Variants in LYPD5 observed in about 807,000 individuals in gnomAD.
The protein encoded by LYPD5 is LY6/PLAUR domain containing 5.
LYPD5 carries 21 observed loss-of-function variants against 19.1 expected under a neutral mutation model. The ratio of observed to expected loss-of-function variants is 1.10; its 90% CI spans 0.78 to 1.58. The LOEUF (loss-of-function observed/expected upper bound fraction) is 1.58, where lower values mean the gene tolerates loss of function less well. Ranked by LOEUF, LYPD5 falls within the 40% of genes most tolerant of loss-of-function variation. The pLI is 0.00. For synonymous variants in LYPD5, 128 were observed against 142.7 expected, an observed-to-expected ratio of 0.90 and a Z score of 0.74; for missense variants, 287 against 329.8, an observed-to-expected ratio of 0.87 and a Z score of 1.00.
chr19:43,798,603 T>A lies in LYPD5; in HGVS notation c.371-2A>T, dbSNP rs777688123. 1 of 1,609,904 alleles carries A rather than the reference T, an allele frequency of 6.2e-7. No individual in the cohort carries two copies. Among genetic ancestry groups the A allele is most frequent in the South Asian group, 1.1e-5 (1 of 91,070 alleles). On this transcript the variant is annotated splice_acceptor_variant, in intron 3 of 4. Transcript: ENST00000377950. LOFTEE classifies it high-confidence loss of function. ...CGCTGAGCGTCGGCGGGTCGGGTGC[T>A]GGCAAGAGAGCGTAGATGCACACTC...
intron 1 of LYPD5, among the ~76,000 whole-genome samples, chr19:43,811,472 G>C (rs1386268774): frequency 6.6e-6 from 1 of 152,178 alleles, no homozygotes; most frequent in Admixed American, 6.5e-5. Context: ...GATCACCTGA[G>C]GTCAGGAGTT....
chr19:43,797,667 G>T lies in LYPD5; in HGVS notation c.680C>A (p.Ala227Asp). The part of the protein sequence containing the change: ...SMTQPFTSAS[A>D]TTPPRALQVL... Reference sequence around the variant, plus strand: ...CTGTAGTGCTCGGGGAGGGGTGGTGGCTGAAGCACTGGTGAAGGGCTGGGT... The same window carrying T: ...CTGTAGTGCTCGGGGAGGGGTGGTGTCTGAAGCACTGGTGAAGGGCTGGGT... The change falls in exon 5 of 5, where the codon GCC (alanine) becomes GAC (aspartate). Residue 227 changes from alanine (A) to aspartate (D), a missense_variant. By Grantham distance (126) the Ala-to-Asp change is moderately radical (BLOSUM62 -2). Coordinates refer to ENST00000377950, the MANE Select transcript of LYPD5 (RefSeq NM_001031749.3). The T allele has an allele frequency of 6.2e-7, 1 of 1,613,788 alleles. No homozygotes were observed. Among genetic ancestry groups the T allele is most frequent in the Non-Finnish European group, 8.5e-7 (1 of 1,179,876 alleles).
intron 2 of LYPD5, among the ~76,000 whole-genome samples, chr19:43,799,306 C>T (rs1296891966): frequency 1.3e-5 from 2 of 152,222 alleles, no homozygotes; most frequent in East Asian, 1.9e-4. Context: ...TGCAGTGACC[C>T]GATTTCGGCT....
intron 1 of LYPD5, among the ~76,000 whole-genome samples, chr19:43,818,824 C>G (rs1970394732): frequency 6.6e-6 from 1 of 152,216 alleles, no homozygotes; most frequent in South Asian, 2.1e-4. Context: ...ATGCAATTAT[C>G]TGAGCCTGGT....
At chr19:43,809,200 C>T (rs1359652635) in intron 1 of LYPD5, among the ~76,000 whole-genome samples, 1 of 151,356 alleles carries the variant, frequency 6.6e-6, no homozygotes, top group Non-Finnish European at 1.5e-5. Context: ...CCACTACACC[C>T]GGCTAATTTT....
Position 43,797,330 on chromosome 19 carries a change from G to A in LYPD5, c.*261C>T. On this transcript the variant is annotated 3_prime_UTR_variant, in exon 5 of 5. Coordinates refer to ENST00000377950, the MANE Select transcript of LYPD5 (RefSeq NM_001031749.3). ...CTGGTGCCTGGCTGGTGCTCAGTGA[G>A]TAACAGCTGTGATCAGAATTGCTCT... 2.2e-6 allele frequency: 1 copy of A among 456,560 alleles called. No homozygotes were observed. Among genetic ancestry groups the A allele is most frequent in the Non-Finnish European group, 3.9e-6 (1 of 255,774 alleles). The allele number at this position is 456,560 out of a possible 1,614,324, so 28.3% of individuals were successfully genotyped here. A position where few individuals can be genotyped will look rare whatever the true frequency, so the allele number is the denominator to read the frequency against.
rs1970151742 is a variant in LYPD5 at position 43,797,675 on chromosome 19, A to G, written c.672T>C (p.Ser224=). ...CTCGGGGAGGGGTGGTGGCTGAAGC[A>G]CTGGTGAAGGGCTGGGTCATGGATT... is the stretch of plus-strand genomic sequence containing the variant. ...NRKSMTQPFT[S]ASATTPPRAL... Residue 224 remains serine, a synonymous_variant, in exon 5 of 5, where the codon AGT becomes AGC. Transcript: ENST00000377950. The G allele has an allele frequency of 6.2e-7, 1 of 1,613,672 alleles. No individual in the cohort carries two copies. The highest frequency in any genetic ancestry group is 1.7e-5 in the Admixed American group (1 of 59,968).
At chr19:43,804,669 C>T (rs968324366), upstream of LYPD5, among the ~76,000 whole-genome samples, 5 of 152,222 alleles carry the variant, frequency 3.3e-5, no homozygotes, top group Non-Finnish European at 7.3e-5. Context: ...TCAGGCCTCA[C>T]TTCCCAGAAC....
intron 1 of LYPD5, among the ~76,000 whole-genome samples, chr19:43,812,372 TC>T (rs1970333140): frequency 8.3e-6 from 1 of 120,258 alleles, no homozygotes; most frequent in Non-Finnish European, 1.9e-5. Flanking sequence ...TATCTATCTA[TC>T]TATCAATCTA....
At position 43,797,232 on chromosome 19, in the gene LYPD5, T is replaced by G; in HGVS notation, c.*359A>C. ...TCTCATGATGACACTAATAAAGACA[T>G]CATTGTATAGCTCCCTCCTAGAGCT... On this transcript the variant is annotated 3_prime_UTR_variant, in exon 5 of 5. Coordinates refer to ENST00000377950, the MANE Select transcript of LYPD5 (RefSeq NM_001031749.3). 4.4e-6 allele frequency: 1 copy of G among 228,462 alleles called. No individual in the cohort carries two copies. 14.2% of individuals were successfully genotyped at this position (228,462 alleles called of 1,614,324 possible). A position where few individuals can be genotyped will look rare whatever the true frequency, so the allele number is the denominator to read the frequency against.
chr19:43,798,578 C>T lies in LYPD5; in HGVS notation c.394G>A (p.Gly132Ser). 3 of 1,611,036 alleles carry T rather than the reference C, an allele frequency of 1.9e-6. No individual in the cohort carries two copies. Among genetic ancestry groups the T allele is most frequent in the Non-Finnish European group, 1.7e-6 (2 of 1,180,032 alleles). Residue 132 changes from glycine to serine, a missense_variant, in exon 4 of 5, where the codon GGC (glycine) becomes AGC (serine). Coordinates refer to ENST00000377950, the MANE Select transcript of LYPD5 (RefSeq NM_001031749.3). ...SQAPDPPTLS[G>S]AECYACIGVH... ...CCGATACAGGCGTAGCACTCGGCGCCGCTGAGCGTCGGCGGGTCGGGTGCT... is the reference window on the plus strand; with the variant it reads ...CCGATACAGGCGTAGCACTCGGCGCTGCTGAGCGTCGGCGGGTCGGGTGCT...
chr19:43,816,077 T>C (rs387190), intron 1 of LYPD5, among the ~76,000 whole-genome samples: 4,398 of 141,280 alleles, frequency 0.031, 1 homozygote, highest in African/African-American at 0.038. Context: ...TATCTATCTA[T>C]CTACCTATCA....
intron 1 of LYPD5, among the ~76,000 whole-genome samples, chr19:43,817,204 T>C (rs1220191046): frequency 3.9e-5 from 6 of 152,156 alleles, no homozygotes; most frequent in African/African-American, 7.2e-5. Context: ...CTCAAAGTTC[T>C]AATGGTTGGT....
At chr19:43,819,276 TC>T (rs1893083063) in intron 1 of LYPD5, among the ~76,000 whole-genome samples, 1 of 131,858 alleles carries the variant, frequency 7.6e-6, no homozygotes, top group South Asian at 2.8e-4. Flanking sequence ...CCCTTCTTCT[TC>T]TTCTTCTTTT....
intron 1 of LYPD5, among the ~76,000 whole-genome samples, chr19:43,811,196 TG>T (rs954486155): frequency 6.6e-6 from 1 of 152,090 alleles, no homozygotes; most frequent in African/African-American, 2.4e-5. Flanking sequence ...GACATGGGGC[TG>T]GGTGCCATGG....
In LYPD5 at chr19:43,799,719, C is replaced by T; in HGVS notation, c.180G>A (p.Leu60=). The part of the protein sequence containing the change: ...SCPHECFEAI[L]SLDTGYRAPV... ...CCCGCTCCTTACCGGTGTCCAGAGA[C>T]AGGATAGCCTCAAAGCACTCATGAG... is the stretch of plus-strand genomic sequence containing the variant. Residue 60 remains leucine (L), a synonymous_variant, in exon 2 of 5, where the codon CTG becomes CTA. Coordinates refer to ENST00000377950, the MANE Select transcript of LYPD5 (RefSeq NM_001031749.3). 1.2e-6 allele frequency: 2 copies of T among 1,613,660 alleles called. No individual in the cohort carries two copies. Among genetic ancestry groups the T allele is most frequent in the Non-Finnish European group, 1.7e-6 (2 of 1,179,826 alleles).
In LYPD5 at chr19:43,800,599, A is replaced by G. The variant is rs558673219; in HGVS notation, c.65-765T>C. Among the ~76,000 whole-genome samples, 3 of 152,198 alleles carry G rather than the reference A, an allele frequency of 2.0e-5. No individual in the cohort carries two copies. The South Asian group carries it at 6.2e-4, about 32-fold the overall frequency. ...CCCAAATCACAGAAGCACAAATAAAACCAGAGGCCACAATTATGCGATGTT... is the reference window on the plus strand; with the variant it reads ...CCCAAATCACAGAAGCACAAATAAAGCCAGAGGCCACAATTATGCGATGTT... On this transcript the variant is annotated intron_variant, in intron 1 of 4. Coordinates refer to ENST00000377950, the MANE Select transcript of LYPD5 (RefSeq NM_001031749.3).
chr19:43,796,891 C>T lies in LYPD5; in HGVS notation c.*700G>A, dbSNP rs1466500143. The T allele has an allele frequency of 6.6e-6, 1 of 152,246 alleles. No homozygotes were observed. Among genetic ancestry groups the T allele is most frequent in the African/African-American group, 2.4e-5 (1 of 41,460 alleles). The allele number at this position is 152,246 out of a possible 1,614,324, so 9.4% of individuals were successfully genotyped here. ...CATGTTATAGAGTTTATTTTCACCT[C>T]CACCTTATAGGTGAGAAAATATTGG... On this transcript the variant is annotated 3_prime_UTR_variant, in exon 5 of 5. Coordinates refer to ENST00000377950, the MANE Select transcript of LYPD5 (RefSeq NM_001031749.3).
chr19:43,808,876 T>G (rs1370647794), intron 1 of LYPD5, among the ~76,000 whole-genome samples: 1 of 152,222 alleles, frequency 6.6e-6, no homozygotes, highest in Non-Finnish European at 1.5e-5. Flanking sequence ...CAACAAATCA[T>G]TAAATTTTCA....
Sources: allele counts gnomAD v4.1 joint callset (sites outside exome capture counted in the v4.1 genomes callset), GRCh38; gene constraint gnomAD v4.1.1; transcripts MANE v1.5; gene names NCBI Gene and HGNC (gene_info 2026-07-23, HGNC 2026-07-21).